Variants in ORC5 observed in about 807,000 individuals in gnomAD.
ORC5 encodes protein phosphatase 1, regulatory subunit 117.
A neutral mutation model predicts 58.8 loss-of-function variants in ORC5; 39 were observed. That is an observed-to-expected ratio of 0.66 (90% CI 0.51 to 0.87). The LOEUF is 0.87. Among genes scored for constraint, ORC5 ranks in the 40% least tolerant of loss-of-function variants. The probability of loss-of-function intolerance (pLI) is 0.00; values close to 1 mark genes in which losing one functional copy is unlikely to be tolerated. For synonymous variants in ORC5, 218 were observed against 177.6 expected, an observed-to-expected ratio of 1.23 and a Z score of -1.81; for missense variants, 493 against 506.3, an observed-to-expected ratio of 0.97 and a Z score of 0.25.
chr7:104,172,042 C>T (rs1799222278), intron 8 of ORC5, among the ~76,000 whole-genome samples: 1 of 152,178 alleles, frequency 6.6e-6, no homozygotes, highest in Admixed American at 6.5e-5. Flanking sequence ...CTTCTCTTTT[C>T]CTTTCAGTCT....
At chr7:104,187,801 G>A (rs1170769095) in intron 6 of ORC5, 2 of 984,938 alleles carry the variant, frequency 2.0e-6, no homozygotes, top group African/African-American at 3.5e-5. Flanking sequence ...TGCAATGAAA[G>A]CTTCTGACCA....
At chr7:104,205,541 A>G (rs1322201830) in intron 1 of ORC5, among the ~76,000 whole-genome samples, 1 of 152,208 alleles carries the variant, frequency 6.6e-6, no homozygotes, top group Non-Finnish European at 1.5e-5. Context: ...ATTTCCTTTT[A>G]CAAGACAAAT....
At chr7:104,137,768 T>C (rs79742308) in intron 12 of ORC5, among the ~76,000 whole-genome samples, 4,950 of 152,160 alleles carry the variant, frequency 0.033, 139 homozygotes, top group South Asian at 0.11. Flanking sequence ...TCCCACTCCA[T>C]CCTCCTTCGG....
intron 12 of ORC5, among the ~76,000 whole-genome samples, chr7:104,141,119 G>A (rs1268399166): frequency 3.9e-5 from 6 of 152,184 alleles, no homozygotes; most frequent in Non-Finnish European, 8.8e-5. Flanking sequence ...TCTAACAGAT[G>A]TATTATACTC....
chr7:104,160,347 C>T (rs888266522), intron 12 of ORC5, among the ~76,000 whole-genome samples: 5 of 152,072 alleles, frequency 3.3e-5, no homozygotes, highest in Non-Finnish European at 7.4e-5. Context: ...CCTAAAAATG[C>T]ATAGAGAAAA....
chr7:104,158,949 T>C (rs1287298422), intron 12 of ORC5, among the ~76,000 whole-genome samples: 6 of 142,414 alleles, frequency 4.2e-5, no homozygotes, highest in African/African-American at 1.0e-4. Flanking sequence ...ACTAGAAATA[T>C]CATTTGACCC....
Position 104,202,457 on chromosome 7 carries a change from ATC to A in ORC5, c.166-1501_166-1500del, listed in dbSNP as rs1296869957. On this transcript the variant is annotated intron_variant, in intron 2 of 13. Coordinates refer to ENST00000297431, the MANE Select transcript of ORC5 (RefSeq NM_002553.4). ...TCCTTTAAGAACAAAAGTCCACAAC[ATC>A]TCTGTTATGAATAGTGTCTTGCTTA... 7 of 441,224 alleles carry A rather than the reference ATC, an allele frequency of 1.6e-5. No individual in the cohort carries two copies. In the Middle Eastern group the frequency reaches 1.3e-3, roughly 84 times the overall value. 27.3% of individuals were successfully genotyped at this position (441,224 alleles called of 1,614,324 possible).
At chr7:104,203,472 T>A (rs1026729104) in intron 2 of ORC5, among the ~76,000 whole-genome samples, 13 of 152,226 alleles carry the variant, frequency 8.5e-5, no homozygotes, top group Admixed American at 1.3e-4. Flanking sequence ...ATGGCAATAC[T>A]CATCAATAAT....
chr7:104,201,522 T>C (rs1481732741), intron 2 of ORC5, among the ~76,000 whole-genome samples: 1 of 151,998 alleles, frequency 6.6e-6, no homozygotes, highest in Non-Finnish European at 1.5e-5. Context: ...TAAAGAATTC[T>C]TATAAAGAAA....
intron 8 of ORC5, among the ~76,000 whole-genome samples, chr7:104,181,832 G>A (rs1799440419): frequency 6.6e-6 from 1 of 151,778 alleles, no homozygotes; most frequent in African/African-American, 2.4e-5. Context: ...GAATTGCCTG[G>A]TTTCAAGGAT....
chr7:104,144,017 G>A (rs1798715595), intron 12 of ORC5, among the ~76,000 whole-genome samples: 1 of 152,136 alleles, frequency 6.6e-6, no homozygotes, highest in African/African-American at 2.4e-5. Flanking sequence ...TACTTGGGAG[G>A]TTGAGGCATG....
chr7:104,183,590 T>C (rs1189179947), intron 8 of ORC5, among the ~76,000 whole-genome samples: 2 of 152,186 alleles, frequency 1.3e-5, no homozygotes, highest in African/African-American at 4.8e-5. Context: ...AAACATAACC[T>C]TGTATAAAGG....
chr7:104,202,398 T>G, intron 2 of ORC5: 1 of 286,660 alleles, frequency 3.5e-6, no homozygotes, highest in Non-Finnish European at 7.2e-6. Context: ...TTCACCAGCA[T>G]TTGCTAACTC....
chr7:104,187,050 T>C (rs116417677), intron 6 of ORC5, among the ~76,000 whole-genome samples: 6,780 of 152,278 alleles, frequency 0.045, 498 homozygotes, highest in African/African-American at 0.15. Context: ...GAAATGGCTG[T>C]CAGCACAGAT....
intron 6 of ORC5, among the ~76,000 whole-genome samples, chr7:104,185,880 G>T (rs1799532723): frequency 6.6e-6 from 1 of 151,732 alleles, no homozygotes; most frequent in Non-Finnish European, 1.5e-5. Context: ...ATATAAATGT[G>T]TAACTATATA....
At chr7:104,198,853 T>C (rs962010694) in intron 3 of ORC5, among the ~76,000 whole-genome samples, 1 of 152,340 alleles carries the variant, frequency 6.6e-6, no homozygotes, top group Non-Finnish European at 1.5e-5. Flanking sequence ...AAAATGGTTT[T>C]GTGGGCCAGG....
At chr7:104,146,141 C>T (rs1217868475) in intron 12 of ORC5, among the ~76,000 whole-genome samples, 2 of 152,122 alleles carry the variant, frequency 1.3e-5, no homozygotes, top group African/African-American at 4.8e-5. Context: ...TTTTCTAAAT[C>T]ACATTTGATT....
At chr7:104,161,837 T>C (rs1799030182) in intron 11 of ORC5, among the ~76,000 whole-genome samples, 1 of 152,166 alleles carries the variant, frequency 6.6e-6, no homozygotes. Context: ...TTTTGCCAAA[T>C]CCAAGATAAT....
At chr7:104,197,026 G>A (rs181486400) in intron 4 of ORC5, among the ~76,000 whole-genome samples, 45 of 152,170 alleles carry the variant, frequency 3.0e-4, no homozygotes, top group African/African-American at 6.7e-4. Flanking sequence ...TAGTAAGTCC[G>A]CCCCTGTCCT....
Sources: gnomAD v4.1 joint callset for allele counts (sites outside exome capture counted in the v4.1 genomes callset) on GRCh38, gnomAD v4.1.1 for gene constraint, MANE v1.5 for transcripts, NCBI Gene and HGNC (gene_info 2026-07-23, HGNC 2026-07-21) for gene names.